NLGN1: variants seen among roughly 807,000 people sequenced by gnomAD.
NLGN1 encodes neuroligin 1.
In NLGN1, 12 loss-of-function variants were observed where a neutral mutation model predicts 65.5. The ratio of observed to expected loss-of-function variants is 0.18; its 90% CI spans 0.12 to 0.30. NLGN1 has a LOEUF of 0.30. NLGN1 is among the 10% of genes least tolerant of loss of function. The pLI, the probability that NLGN1 is intolerant of heterozygous loss-of-function variation, is 1.00. For missense variants in NLGN1, 750 were observed against 1,007.1 expected (o/e 0.74, Z 3.46); for synonymous variants, 350 against 359.5 (o/e 0.97, Z 0.30).
intron 4 of NLGN1, among the ~76,000 whole-genome samples, chr3:174,187,247 G>A (rs1731579201): frequency 6.6e-6 from 1 of 151,782 alleles, no homozygotes; most frequent in Admixed American, 6.6e-5. Flanking sequence ...AGCAGCCTTG[G>A]ATTTGTATTT....
At chr3:173,572,195 T>C (rs992214159) in intron 2 of NLGN1, among the ~76,000 whole-genome samples, 1 of 152,186 alleles carries the variant, frequency 6.6e-6, no homozygotes, top group Non-Finnish European at 1.5e-5. Flanking sequence ...AATTTGAAAG[T>C]GTGACCTAGC....
intron 2 of NLGN1, among the ~76,000 whole-genome samples, chr3:173,578,842 C>A (rs553430465): frequency 1.3e-5 from 2 of 152,158 alleles, no homozygotes; most frequent in Admixed American, 6.5e-5. Context: ...TACTTACATT[C>A]AAAAATGAAG....
chr3:174,280,664 T>A lies in NLGN1; in HGVS notation c.1833T>A (p.Pro611=). 7 of 1,613,314 alleles carry A rather than the reference T, an allele frequency of 4.3e-6. No individual in the cohort carries two copies. The highest frequency in any genetic ancestry group is 4.2e-6 in the Non-Finnish European group (5 of 1,179,518). ...TGAACCTCTGGTTGGAGTTGGTACCTCATCTGCATAATCTCAATGACATTT... is the reference window on the plus strand; with the variant it reads ...TGAACCTCTGGTTGGAGTTGGTACCACATCTGCATAATCTCAATGACATTT... Residue 611 remains proline, a synonymous_variant, in exon 7 of 7, where the codon CCT becomes CCA. Transcript: ENST00000457714. The surrounding 1 kb of genome is among the most constrained non-coding windows in gnomAD (Gnocchi z 4.9).
chr3:173,468,327 C>A (rs558104953), intron 2 of NLGN1, among the ~76,000 whole-genome samples: 1 of 152,168 alleles, frequency 6.6e-6, no homozygotes, highest in South Asian at 2.1e-4. Flanking sequence ...ACCAGTTATC[C>A]TAATTTTCAA....
chr3:174,128,918 G>A (rs946768826), intron 4 of NLGN1, among the ~76,000 whole-genome samples: 8 of 152,096 alleles, frequency 5.3e-5, no homozygotes, highest in Non-Finnish European at 1.0e-4. Flanking sequence ...ATAGAAATGG[G>A]AAACAAAGGA....
chr3:173,860,974 A>C (rs1378331801), intron 4 of NLGN1, among the ~76,000 whole-genome samples: 2 of 152,208 alleles, frequency 1.3e-5, no homozygotes. Flanking sequence ...ATACTAGTCA[A>C]CATAAATATG....
chr3:174,156,652 A>G (rs1156469971), intron 4 of NLGN1, among the ~76,000 whole-genome samples: 7 of 151,752 alleles, frequency 4.6e-5, no homozygotes, highest in Non-Finnish European at 7.4e-5. Flanking sequence ...GGGGGTTCTC[A>G]CTTAAGGAGG....
At chr3:173,900,674 G>A (rs11928052) in intron 4 of NLGN1, among the ~76,000 whole-genome samples, 7,800 of 151,974 alleles carry the variant, frequency 0.051, 455 homozygotes, top group African/African-American at 0.14. Flanking sequence ...AAATCAAATG[G>A]CTTTGAGTTC....
At chr3:174,265,687 G>A (rs1277481802) in intron 4 of NLGN1, among the ~76,000 whole-genome samples, 2 of 150,544 alleles carry the variant, frequency 1.3e-5, no homozygotes, top group African/African-American at 4.9e-5. Context: ...TTCCTATCCG[G>A]CCATCTTTTT....
chr3:173,585,224 T>A (rs902668313), intron 2 of NLGN1, among the ~76,000 whole-genome samples: 8 of 152,022 alleles, frequency 5.3e-5, no homozygotes. Context: ...GTGGCGTCGG[T>A]GGGGGAGCCA....
At chr3:174,169,667 T>A (rs901951345) in intron 4 of NLGN1, among the ~76,000 whole-genome samples, 2 of 151,958 alleles carry the variant, frequency 1.3e-5, no homozygotes, top group Admixed American at 6.6e-5. Flanking sequence ...TTCACCACAA[T>A]CTCAGGGAGA....
intron 4 of NLGN1, among the ~76,000 whole-genome samples, chr3:174,261,442 A>T (rs1447464470): frequency 4.0e-5 from 6 of 148,982 alleles, no homozygotes; most frequent in Non-Finnish European, 8.9e-5. Context: ...ATTCTCTTGG[A>T]AGCAATTGTG....
Position 173,697,260 on chromosome 3 carries a change from G to C in NLGN1, c.493+92169G>C, listed in dbSNP as rs545572838. Among the ~76,000 whole-genome samples the C allele has an allele frequency of 1.5e-4, 23 of 152,320 alleles. No homozygotes were observed. The South Asian group carries it at 2.5e-3, about 16-fold the overall frequency. ...GCATGTCAGAAGGATATGCTTGGGAGTGTGTCAAAGCAGGACTCAAGTTTA... is the reference window on the plus strand; with the variant it reads ...GCATGTCAGAAGGATATGCTTGGGACTGTGTCAAAGCAGGACTCAAGTTTA... On this transcript the variant is annotated intron_variant, in intron 3 of 6. Coordinates refer to ENST00000457714, the Ensembl canonical transcript of NLGN1.
intron 4 of NLGN1, among the ~76,000 whole-genome samples, chr3:174,123,472 C>T (rs1387985509): frequency 1.3e-5 from 2 of 152,104 alleles, no homozygotes; most frequent in Non-Finnish European, 2.9e-5. Context: ...GGTTTGGAAA[C>T]ATTCCCTTCA....
At chr3:173,601,148 G>A (rs1227393936) in intron 2 of NLGN1, among the ~76,000 whole-genome samples, 1 of 152,028 alleles carries the variant, frequency 6.6e-6, no homozygotes, top group Non-Finnish European at 1.5e-5. Flanking sequence ...CCTATGTGTG[G>A]ATTGATAGGC....
At chr3:173,451,464 GC>G (rs1219796459) in intron 2 of NLGN1, among the ~76,000 whole-genome samples, 3 of 152,148 alleles carry the variant, frequency 2.0e-5, no homozygotes, top group Non-Finnish European at 2.9e-5. Context: ...GTGTCAGTCC[GC>G]CCCTAATGGG....
chr3:173,417,197 A>G (rs1043973883), intron 1 of NLGN1, among the ~76,000 whole-genome samples: 15 of 151,984 alleles, frequency 9.9e-5, no homozygotes, highest in Non-Finnish European at 2.1e-4. Flanking sequence ...TTACATTTGT[A>G]ATTAGTTATT....
chr3:173,406,695 A>C (rs557416530), intron 1 of NLGN1, among the ~76,000 whole-genome samples: 1 of 151,816 alleles, frequency 6.6e-6, no homozygotes, highest in African/African-American at 2.4e-5. Context: ...TCCACAGACA[A>C]CAGCGTTTCT....
At chr3:173,820,717 A>G (rs564428282) in intron 4 of NLGN1, among the ~76,000 whole-genome samples, 1 of 152,316 alleles carries the variant, frequency 6.6e-6, no homozygotes, top group Non-Finnish European at 1.5e-5. Context: ...CTACTGTAAG[A>G]TATTTACCTA....
Sources: allele counts gnomAD v4.1 joint callset (sites outside exome capture counted in the v4.1 genomes callset), GRCh38; gene constraint gnomAD v4.1.1; non-coding constraint Gnocchi (gnomAD v3.1); transcripts MANE v1.5; gene names NCBI Gene and HGNC (gene_info 2026-07-23, HGNC 2026-07-21).